APP: variants seen among roughly 807,000 people sequenced by gnomAD.
APP encodes amyloid beta precursor protein.
APP carries 31 observed loss-of-function variants against 101.4 expected under a neutral mutation model. That is an observed-to-expected ratio of 0.31 (90% confidence interval 0.23 to 0.41). The LOEUF is 0.41. Among genes scored for constraint, APP ranks in the 10% least tolerant of loss-of-function variants. APP has a pLI of 1.00. For missense variants in APP, 839 were observed against 1,003.7 expected, an observed-to-expected ratio of 0.84 and a Z score of 2.22; for synonymous variants, 366 against 364.4, an observed-to-expected ratio of 1.00 and a Z score of -0.05.
At chr21:25,952,916 T>C (rs1021701925) in intron 13 of APP, among the ~76,000 whole-genome samples, 2 of 152,372 alleles carry the variant, frequency 1.3e-5, no homozygotes, top group East Asian at 3.9e-4. Context: ...TCTCCAAGTA[T>C]ACCTGAAAAG....
At chr21:25,972,843 T>G (rs2146562122) in intron 11 of APP, among the ~76,000 whole-genome samples, 1 of 151,408 alleles carries the variant, frequency 6.6e-6, no homozygotes, top group South Asian at 2.1e-4. Context: ...CATTAAAAAA[T>G]AACTGTTTAA....
At chr21:25,903,009 ACT>A (rs1388771208) in intron 15 of APP, among the ~76,000 whole-genome samples, 3 of 152,042 alleles carry the variant, frequency 2.0e-5, no homozygotes, top group African/African-American at 7.2e-5. Flanking sequence ...TTTAAAACAC[ACT>A]GTTTTTGTTT....
intron 1 of APP, 95 bp from the exon 2 acceptor site, chr21:26,112,241 C>T (rs2062344669): frequency 1.5e-6 from 2 of 1,315,120 alleles, no homozygotes; most frequent in Non-Finnish European, 2.2e-6. Context: ...GAGTTCTATT[C>T]TTGCTCATTC....
At chr21:26,020,332 G>A (rs550693321) in intron 6 of APP, among the ~76,000 whole-genome samples, 10 of 152,244 alleles carry the variant, frequency 6.6e-5, no homozygotes, top group Admixed American at 2.6e-4. Context: ...CTGGAGTGAC[G>A]AAAATGTTCT....
intron 13 of APP, among the ~76,000 whole-genome samples, chr21:25,931,326 T>G (rs2040136282): frequency 6.6e-6 from 1 of 152,210 alleles, no homozygotes; most frequent in Non-Finnish European, 1.5e-5. Flanking sequence ...GCCCAGGATC[T>G]GTGACTCTTC....
In APP at chr21:26,000,308, T is replaced by C. The variant is rs931992070; in HGVS notation, c.866-126A>G. On this transcript the variant is annotated intron_variant, in intron 6 of 17. Coordinates refer to ENST00000346798, the MANE Select transcript of APP (RefSeq NM_000484.4). ...CTGGACTGGTTTATTAGGCAGCATC[T>C]ACCAAACATTTACTGAGGAATTTAA... The C allele has an allele frequency of 1.9e-5, 23 of 1,181,842 alleles. 1 individual carries two copies. The African/African-American group carries it at 2.7e-4, about 14-fold the overall frequency. 73.2% of individuals were successfully genotyped at this position (1,181,842 alleles called of 1,614,324 possible). A position where few individuals can be genotyped will look rare whatever the true frequency, so the allele number is the denominator to read the frequency against.
chr21:26,064,117 G>A (rs1207582862), intron 3 of APP, among the ~76,000 whole-genome samples: 1 of 152,160 alleles, frequency 6.6e-6, no homozygotes, highest in Non-Finnish European at 1.5e-5. Flanking sequence ...GAAGTATAAA[G>A]AAACTGTCAT....
chr21:25,933,729 A>G (rs2040244354), intron 13 of APP: 1 of 152,172 alleles, frequency 6.6e-6, no homozygotes. Context: ...ACATTTACTC[A>G]TTAATCAGCC....
chr21:25,881,795 GTAAAAAA>G lies in APP; in HGVS notation c.2212-31_2212-25del, dbSNP rs752066965. 9 of 1,605,398 alleles carry G rather than the reference GTAAAAAA, an allele frequency of 5.6e-6. No individual in the cohort carries two copies. The East Asian group carries it at 2.0e-4, about 36-fold the overall frequency. On this transcript the variant is annotated intron_variant, in intron 17 of 17. Transcript: ENST00000346798. Reference sequence around the variant, plus strand: ...ACCTGAAAAACAAGAGGAGAGCTGAGTAAAAAATAAAAATCAATCTTTTAAGGGTGAA... The same window carrying G: ...ACCTGAAAAACAAGAGGAGAGCTGAGTAAAAATCAATCTTTTAAGGGTGAA...
intron 11 of APP, among the ~76,000 whole-genome samples, chr21:25,969,682 T>G (rs116729154): frequency 0.014 from 2,081 of 151,354 alleles, 48 homozygotes; most frequent in African/African-American, 0.048. Context: ...TTTACAAAAA[T>G]TTTTTAAAAA....
chr21:25,916,905 T>C (rs898565546), intron 13 of APP, among the ~76,000 whole-genome samples: 3 of 152,156 alleles, frequency 2.0e-5, no homozygotes, highest in African/African-American at 7.2e-5. Flanking sequence ...GCTTCATCAA[T>C]AACAGAGGTA....
At chr21:25,957,807 A>G (rs1601024759) in intron 11 of APP, among the ~76,000 whole-genome samples, 1 of 152,092 alleles carries the variant, frequency 6.6e-6, no homozygotes, top group Non-Finnish European at 1.5e-5. Context: ...CATTACAAGA[A>G]CCTGTCTCTA....
chr21:25,938,185 C>G (rs1187066352), intron 13 of APP, among the ~76,000 whole-genome samples: 3 of 152,172 alleles, frequency 2.0e-5, no homozygotes, highest in African/African-American at 4.8e-5. Context: ...TAAAACCTAG[C>G]CACTAATGCT....
chr21:26,160,216 G>T (rs1403469321), intron 1 of APP, among the ~76,000 whole-genome samples: 1 of 152,050 alleles, frequency 6.6e-6, no homozygotes, highest in Non-Finnish European at 1.5e-5. Context: ...TTCCAAAATT[G>T]CAATTTTGTC....
intron 8 of APP, among the ~76,000 whole-genome samples, chr21:25,985,525 C>T (rs1278001489): frequency 6.6e-6 from 1 of 152,160 alleles, no homozygotes; most frequent in African/African-American, 2.4e-5. Flanking sequence ...CTGAAATTTA[C>T]ACCATTGTCT....
rs754790092 is a variant in APP, at chr21:25,911,875, G to A, written c.1775C>T (p.Ala592Val). 13 of 1,614,166 alleles carry A rather than the reference G, an allele frequency of 8.1e-6. No individual in the cohort carries two copies. The highest frequency in any genetic ancestry group is 1.6e-4 in the Middle Eastern group (1 of 6,062). ...SEPRISYGND[A>V]LMPSLTETKT... ...CGTTTCGGTCAAAGATGGCATGAGA[G>A]CATCGTTTCCGTAACTGATCCTTGG... The change falls in exon 14 of 18, where the codon GCT (alanine) becomes GTT (valine). Residue 592 changes from alanine to valine, a missense_variant. Transcript: ENST00000346798.
chr21:26,036,709 A>G (rs116386952), intron 5 of APP, among the ~76,000 whole-genome samples: 3,234 of 152,312 alleles, frequency 0.021, 105 homozygotes, highest in African/African-American at 0.074. Context: ...GTTGGGTAAG[A>G]AGATTCCCAA....
chr21:26,115,517 C>A lies in APP; in HGVS notation c.58-3371G>T, dbSNP rs76995386. ...CGGCATCCTCACCTGCATCAAATAACCCATTTATGAAACAAAGCCTGGTTG... is the reference window on the plus strand; with the variant it reads ...CGGCATCCTCACCTGCATCAAATAAACCATTTATGAAACAAAGCCTGGTTG... On this transcript the variant is annotated intron_variant, in intron 1 of 17. Coordinates refer to ENST00000346798, the MANE Select transcript of APP (RefSeq NM_000484.4). Among the ~76,000 whole-genome samples the A allele has an allele frequency of 3.5e-4, 54 of 152,308 alleles. No individual in the cohort carries two copies. In the East Asian group the frequency reaches 0.01, roughly 29 times the overall value.
intron 8 of APP, among the ~76,000 whole-genome samples, chr21:25,993,408 A>C (rs974746369): frequency 2.0e-5 from 3 of 152,206 alleles, no homozygotes; most frequent in Non-Finnish European, 2.9e-5. Flanking sequence ...AAGATGAAAC[A>C]GAGAGGAGAA....
Sources: allele counts gnomAD v4.1 joint callset (sites outside exome capture counted in the v4.1 genomes callset), GRCh38; gene constraint gnomAD v4.1.1; transcripts MANE v1.5; gene names NCBI Gene and HGNC (gene_info 2026-07-23, HGNC 2026-07-21).